NCOR2: variants seen among roughly 807,000 people sequenced by gnomAD.
NCOR2 encodes the protein CTG repeat protein 26.
NCOR2 carries 81 observed loss-of-function variants against 262.9 expected under a neutral mutation model. That is an observed-to-expected ratio of 0.31 (90% CI 0.26 to 0.37). The LOEUF is 0.37. Among genes scored for constraint, NCOR2 ranks in the 10% least tolerant of loss-of-function variants. NCOR2 has a pLI of 1.00. For missense variants in NCOR2, 3,385 were observed against 3,621.4 expected (o/e 0.93, Z 1.68); for synonymous variants, 1,659 against 1,559.3 (o/e 1.06, Z -1.51).
intron 1 of NCOR2, among the ~76,000 whole-genome samples, chr12:124,524,151 G>A (rs1469222781): frequency 6.6e-6 from 1 of 152,232 alleles, no homozygotes; most frequent in East Asian, 1.9e-4. Context: ...GTGACAGCCA[G>A]TTGTGGCCAT....
chr12:124,472,152 C>T (rs1390907318), intron 4 of NCOR2, among the ~76,000 whole-genome samples: 1 of 152,144 alleles, frequency 6.6e-6, no homozygotes, highest in African/African-American at 2.4e-5. Context: ...GTGTCAGGGA[C>T]ATCTGAGCAG....
chr12:124,374,360 G>T, intron 19 of NCOR2, 53 bp downstream of exon 21: 1 of 1,581,994 alleles, frequency 6.3e-7, no homozygotes, highest in Non-Finnish European at 8.7e-7. Context: ...GGGACCTTGG[G>T]ATGCCCGCCC....
chr12:124,507,729 A>C (rs1421824384), intron 1 of NCOR2, among the ~76,000 whole-genome samples: 1 of 152,228 alleles, frequency 6.6e-6, no homozygotes, highest in African/African-American at 2.4e-5. Flanking sequence ...CTGGACCCCA[A>C]AACTTGAGGC....
chr12:124,525,055 G>T (rs1167490833), intron 1 of NCOR2, among the ~76,000 whole-genome samples: 1 of 152,220 alleles, frequency 6.6e-6, no homozygotes, highest in South Asian at 2.1e-4. Context: ...CATTAAATTT[G>T]ACTTCTGCCT....
upstream of NCOR2, among the ~76,000 whole-genome samples, chr12:124,500,189 C>A (rs1367002317): frequency 6.6e-6 from 1 of 152,056 alleles, no homozygotes; most frequent in African/African-American, 2.4e-5. Flanking sequence ...ACACCAAGGG[C>A]CCAAGCAGGC....
At chr12:124,346,403 A>G (rs1213214001) in intron 31 of NCOR2, among the ~76,000 whole-genome samples, 161 bp downstream of exon 33, 2 of 152,134 alleles carry the variant, frequency 1.3e-5, no homozygotes, top group Non-Finnish European at 2.9e-5. Flanking sequence ...GCAGCCCTGG[A>G]ACACGCACAG....
upstream of NCOR2, chr12:124,538,267 CAG>C (rs2051177248): frequency 1.3e-5 from 2 of 152,502 alleles, no homozygotes; most frequent in Admixed American, 1.3e-4. Flanking sequence ...CAGAGGGAAA[CAG>C]AGAATCTCCC....
chr12:124,429,495 G>C, intron 10 of NCOR2, 118 bp downstream of exon 12: 1 of 1,082,840 alleles, frequency 9.2e-7, no homozygotes, highest in African/African-American at 1.6e-5. Flanking sequence ...CCCGCGCTTC[G>C]GTGGCAAAGC....
intron 13 of NCOR2, 32 bp downstream of exon 15, chr12:124,419,925 G>A (rs751127096): frequency 5.6e-6 from 9 of 1,594,274 alleles, no homozygotes; most frequent in East Asian, 4.5e-5. Context: ...CAGGGAGCCT[G>A]CAAGGACAGT....
chr12:124,525,055 G>C (rs1167490833), intron 1 of NCOR2, among the ~76,000 whole-genome samples: 1 of 152,220 alleles, frequency 6.6e-6, no homozygotes, highest in Non-Finnish European at 1.5e-5. Flanking sequence ...CATTAAATTT[G>C]ACTTCTGCCT....
At chr12:124,362,419 G>T in intron 21 of NCOR2, 122 bp from the exon 24 acceptor site, 1 of 868,750 alleles carries the variant, frequency 1.2e-6, no homozygotes, top group Non-Finnish European at 1.6e-6. Context: ...ACATGCTCAA[G>T]GTCCCAGGTG....
intron 4 of NCOR2, among the ~76,000 whole-genome samples, chr12:124,469,618 C>T (rs117591985): frequency 6.6e-5 from 10 of 152,298 alleles, no homozygotes; most frequent in African/African-American, 1.9e-4. Context: ...CTGAGCCCCC[C>T]GCTCACCAGC....
At chr12:124,451,221 C>T (rs552319666) in intron 6 of NCOR2, among the ~76,000 whole-genome samples, 42 of 152,362 alleles carry the variant, frequency 2.8e-4, no homozygotes, top group Middle Eastern at 3.4e-3. Context: ...TCTACAACGC[C>T]GGCCCCCCGA....
intron 1 of NCOR2, among the ~76,000 whole-genome samples, chr12:124,525,714 G>A (rs973679042): frequency 2.6e-5 from 4 of 152,204 alleles, no homozygotes; most frequent in Non-Finnish European, 4.4e-5. Flanking sequence ...GCGTACCCAC[G>A]GGGCAGAGGG....
chr12:124,489,389 A>G (rs888172954), intron 1 of NCOR2, among the ~76,000 whole-genome samples: 1 of 152,232 alleles, frequency 6.6e-6, no homozygotes, highest in Non-Finnish European at 1.5e-5. Flanking sequence ...CCACACAAAG[A>G]CGAGAAAACA....
At chr12:124,374,426 T>A in exon 19 of NCOR2, 4 of 1,612,986 alleles carry the variant, frequency 2.5e-6, no homozygotes, top group Non-Finnish European at 3.4e-6. Flanking sequence ...GGCCACTGCA[T>A]TCCCCTCTGG....
chr12:124,367,486 T>A (rs912790418), intron 20 of NCOR2, among the ~76,000 whole-genome samples: 2 of 152,072 alleles, frequency 1.3e-5, no homozygotes, highest in Non-Finnish European at 2.9e-5. Flanking sequence ...CCACCAATAG[T>A]GGAGGAGGAA....
At chr12:124,462,859 A>C (rs1414463110) in intron 5 of NCOR2, among the ~76,000 whole-genome samples, 2 of 152,192 alleles carry the variant, frequency 1.3e-5, no homozygotes, top group African/African-American at 4.8e-5. Flanking sequence ...TAATCACATC[A>C]TATAAACACT....
chr12:124,469,060 A>G (rs1368715580), intron 4 of NCOR2, among the ~76,000 whole-genome samples: 2 of 150,690 alleles, frequency 1.3e-5, no homozygotes, highest in Non-Finnish European at 2.9e-5. Flanking sequence ...AGTTGGAAAG[A>G]GCATCCCATC....
Sources: gnomAD v4.1 joint callset for allele counts (sites outside exome capture counted in the v4.1 genomes callset) on GRCh38, gnomAD v4.1.1 for gene constraint, MANE v1.5 for transcripts, NCBI Gene and HGNC (gene_info 2026-07-23, HGNC 2026-07-21) for gene names.